ADGRB3: variants seen among roughly 807,000 people sequenced by gnomAD.
ADGRB3 encodes brain-specific angiogenesis inhibitor 3.
Under a neutral mutation model 193.4 loss-of-function variants are expected in ADGRB3, and 37 were observed. The observed-to-expected ratio is 0.19, with a 90% CI of 0.15 to 0.25. ADGRB3 has a LOEUF of 0.25. Ranked by LOEUF, ADGRB3 falls within the 10% of genes least tolerant of loss-of-function variation. The pLI, the probability that ADGRB3 is intolerant of heterozygous loss-of-function variation, is 1.00. For missense variants in ADGRB3, 1,637 were observed against 1,852.9 expected, an observed-to-expected ratio of 0.88 and a Z score of 2.14; for synonymous variants, 690 against 644.2, an observed-to-expected ratio of 1.07 and a Z score of -1.08.
In ADGRB3 at chr6:69,219,460, CGTATATATATATATATATATAT is replaced by C. The variant is rs200933070; in HGVS notation, c.2481-13829_2481-13808del. ...GCTTTAACTTAAAAATACACACACA[CGTATATATATATATATATATAT>C]ATATATATATACGTGTGTGTGTATA... On this transcript the variant is annotated intron_variant, in intron 17 of 31. Coordinates refer to ENST00000370598, the MANE Select transcript of ADGRB3 (RefSeq NM_001704.3). Among the ~76,000 whole-genome samples, 47 of 54,886 alleles carry C rather than the reference CGTATATATATATATATATATAT, an allele frequency of 8.6e-4. No individual in the cohort carries two copies. In the East Asian group the frequency reaches 0.03, roughly 35 times the overall value. 36.0% of individuals were successfully genotyped at this position (54,886 alleles called of 152,430 possible).
In ADGRB3 at chr6:69,333,007, G is replaced by A. The variant is rs988832091; in HGVS notation, c.3187G>A (p.Gly1063Ser). 2.5e-6 allele frequency: 4 copies of A among 1,613,028 alleles called. No homozygotes were observed. Among genetic ancestry groups the A allele is most frequent in the African/African-American group, 2.7e-5 (2 of 74,846 alleles). Residue 1063 changes from glycine (G) to serine (S), a missense_variant and splice_region_variant, in exon 24 of 32, where the codon GGT (glycine) becomes AGT (serine). This residue lies in a region of ADGRB3 where 56 missense variants were observed against 53.3 expected (regional missense o/e 1.05). Transcript: ENST00000370598. ...AGATAAAAAGCTCAAACACAGAGCC[G>A]GGTAAGCTGCAATTGGTGGATTTTG... Reference protein sequence around the residue: ...ILDKKLKHRAGQMSEPHSGLT... With the variant: ...ILDKKLKHRASQMSEPHSGLT...
At chr6:69,208,122 C>T (rs576576950) in intron 17 of ADGRB3, among the ~76,000 whole-genome samples, 13 of 152,200 alleles carry the variant, frequency 8.5e-5, no homozygotes, top group Non-Finnish European at 1.6e-4. Context: ...CATGCGTAAC[C>T]TCCATTCCTG....
intron 15 of ADGRB3, among the ~76,000 whole-genome samples, chr6:69,059,169 A>T (rs749783765): frequency 1.3e-5 from 2 of 152,054 alleles, no homozygotes; most frequent in African/African-American, 2.4e-5. Context: ...TATAATTGTT[A>T]TACCTCCCCA....
At chr6:68,730,313 A>G (rs1052856407) in intron 3 of ADGRB3, among the ~76,000 whole-genome samples, 7 of 151,626 alleles carry the variant, frequency 4.6e-5, no homozygotes, top group Non-Finnish European at 8.9e-5. Context: ...AATAAATCCA[A>G]TAAGGGGAAT....
chr6:69,296,601 T>G (rs1767822839), intron 20 of ADGRB3, among the ~76,000 whole-genome samples: 1 of 152,140 alleles, frequency 6.6e-6, no homozygotes, highest in South Asian at 2.1e-4. Context: ...CCGTATAAAG[T>G]GAATAGTCAT....
chr6:69,336,213 T>C (rs1302956852), intron 24 of ADGRB3, among the ~76,000 whole-genome samples: 2 of 151,958 alleles, frequency 1.3e-5, no homozygotes, highest in Non-Finnish European at 2.9e-5. Context: ...ACAACACATC[T>C]TAAATAAAAT....
chr6:68,897,760 A>AG (rs1335745242), intron 3 of ADGRB3, among the ~76,000 whole-genome samples: 1 of 8,724 alleles, frequency 1.1e-4, no homozygotes, highest in Admixed American at 1.1e-3. Flanking sequence ...GGAGGGAGGA[A>AG]AAGGGAGGGA....
chr6:68,806,492 A>G (rs1233266699), intron 3 of ADGRB3, among the ~76,000 whole-genome samples: 1 of 152,066 alleles, frequency 6.6e-6, no homozygotes, highest in Non-Finnish European at 1.5e-5. Context: ...TTATAAAGCT[A>G]TAAATCAGCA....
intron 17 of ADGRB3, among the ~76,000 whole-genome samples, chr6:69,139,176 G>A (rs1435621206): frequency 6.6e-6 from 1 of 152,158 alleles, no homozygotes; most frequent in Non-Finnish European, 1.5e-5. Flanking sequence ...CGCTTTACCG[G>A]GGCTGCCCTT....
intron 17 of ADGRB3, among the ~76,000 whole-genome samples, chr6:69,151,275 A>G (rs1774672640): frequency 6.6e-6 from 1 of 152,182 alleles, no homozygotes; most frequent in Admixed American, 6.5e-5. Context: ...GCCAGAACTC[A>G]GGTTCTGACT....
At chr6:68,958,595 G>T (rs1036412781) in intron 8 of ADGRB3, among the ~76,000 whole-genome samples, 2 of 151,888 alleles carry the variant, frequency 1.3e-5, no homozygotes, top group South Asian at 4.1e-4. Context: ...ATCTATTTAT[G>T]AAAAAGATAG....
At chr6:68,966,340 A>T (rs1316711867) in intron 8 of ADGRB3, among the ~76,000 whole-genome samples, 1 of 152,296 alleles carries the variant, frequency 6.6e-6, no homozygotes, top group African/African-American at 2.4e-5. Flanking sequence ...CATAGCAAGC[A>T]TTTAAAACAT....
At chr6:68,952,353 A>G (rs537437272) in intron 6 of ADGRB3, among the ~76,000 whole-genome samples, 53 of 152,212 alleles carry the variant, frequency 3.5e-4, no homozygotes, top group Non-Finnish European at 4.7e-4. Context: ...GTATATATGT[A>G]TGTGTGTGTA....
chr6:69,180,702 C>T (rs564548197), intron 17 of ADGRB3, among the ~76,000 whole-genome samples: 1 of 152,326 alleles, frequency 6.6e-6, no homozygotes, highest in South Asian at 2.1e-4. Flanking sequence ...CCTTCTGCCT[C>T]AGGCCTGCAA....
At chr6:69,372,818 T>A (rs1348290779) in intron 30 of ADGRB3, among the ~76,000 whole-genome samples, 1 of 152,018 alleles carries the variant, frequency 6.6e-6, no homozygotes, top group African/African-American at 2.4e-5. Flanking sequence ...CCTGAAGAGA[T>A]CCTGTGAGTA....
chr6:69,355,697 G>A (rs947521393), intron 27 of ADGRB3, 124 bp from the exon 28 acceptor site: 1 of 788,632 alleles, frequency 1.3e-6, no homozygotes, highest in Non-Finnish European at 2.1e-6. Context: ...AATTTCCTAT[G>A]AACAAAACAA....
At chr6:68,721,009 C>G (rs907097221) in intron 3 of ADGRB3, among the ~76,000 whole-genome samples, 1 of 151,782 alleles carries the variant, frequency 6.6e-6, no homozygotes, top group Admixed American at 6.6e-5. Context: ...GAAATAGGAA[C>G]ACATTTACAC....
rs1582425529 is a variant in ADGRB3 at position 69,054,056 on chromosome 6, A to G, written c.2333+4710A>G. Among the ~76,000 whole-genome samples, 3 of 152,324 alleles carry G rather than the reference A, an allele frequency of 2.0e-5. No homozygotes were observed. In the South Asian group the frequency reaches 6.2e-4, roughly 32 times the overall value. ...AAAAATGTAGTCCCTTAAAAAATGC[A>G]TCTTATGTAATGATTAACATTAAAG... On this transcript the variant is annotated intron_variant, in intron 15 of 31. Coordinates refer to ENST00000370598, the MANE Select transcript of ADGRB3 (RefSeq NM_001704.3).
chr6:68,660,742 T>C (rs1237508035), intron 3 of ADGRB3, among the ~76,000 whole-genome samples: 1 of 151,198 alleles, frequency 6.6e-6, no homozygotes, highest in East Asian at 1.9e-4. Context: ...TTATAATTAC[T>C]CTTACACAGT....
Sources: gnomAD v4.1 joint callset for allele counts (sites outside exome capture counted in the v4.1 genomes callset) on GRCh38, gnomAD v4.1.1 for gene constraint, gnomAD v4.1.1 regional missense constraint, MANE v1.5 for transcripts, NCBI Gene and HGNC (gene_info 2026-07-23, HGNC 2026-07-21) for gene names.